INPP5A: variants seen among roughly 807,000 people sequenced by gnomAD.
INPP5A encodes the protein 43 kDa inositol polyphosphate 5-phophatase.
Under a neutral mutation model 65.2 loss-of-function variants are expected in INPP5A, and 14 were observed. The observed-to-expected ratio is 0.21, with a 90% CI of 0.14 to 0.34. INPP5A has a LOEUF of 0.34. Ranked by LOEUF, INPP5A falls within the 10% of genes least tolerant of loss-of-function variation. INPP5A has a pLI of 1.00. For synonymous variants in INPP5A, 207 were observed against 208.3 expected (o/e 0.99, Z 0.05); for missense variants, 431 against 545.6 (o/e 0.79, Z 2.09).
At chr10:132,771,081 A>G (rs540434254) in intron 12 of INPP5A, among the ~76,000 whole-genome samples, 1 of 152,342 alleles carries the variant, frequency 6.6e-6, no homozygotes, top group East Asian at 1.9e-4. Flanking sequence ...ACCGAGGTCT[A>G]AGTTACCACA....
At chr10:132,618,929 C>T (rs535201904) in intron 2 of INPP5A, among the ~76,000 whole-genome samples, 3 of 152,336 alleles carry the variant, frequency 2.0e-5, no homozygotes, top group South Asian at 2.1e-4. Flanking sequence ...AAACACCTCC[C>T]ACCAGGTTCC....
At position 132,587,019 on chromosome 10, in the gene INPP5A, C is replaced by G. The variant is rs896461669; in HGVS notation, c.76-20896C>G. On this transcript the variant is annotated intron_variant, in intron 1 of 15. Coordinates refer to ENST00000368594, the MANE Select transcript of INPP5A (RefSeq NM_005539.5). This position sits in a 1 kb window ranked among gnomAD's most constrained non-coding sequence, Gnocchi z 4.3. ...TCATTCCCCGTCCCCTGGGTGGCCC[C>G]TCCCCCGCCATCGTTACGCTGTCAT... Among the ~76,000 whole-genome samples the G allele has an allele frequency of 2.0e-5, 3 of 152,236 alleles. No homozygotes were observed. Among genetic ancestry groups the G allele is most frequent in the Non-Finnish European group, 4.4e-5 (3 of 68,046 alleles).
At position 132,765,973 on chromosome 10, in the gene INPP5A, G is replaced by A. The variant is rs1474456683; in HGVS notation, c.977+127G>A. 5.8e-6 allele frequency: 4 copies of A among 687,328 alleles called. No individual in the cohort carries two copies. In the Admixed American group the frequency reaches 6.3e-5, roughly 11 times the overall value. The allele number at this position is 687,328 out of a possible 1,614,324, so 42.6% of individuals were successfully genotyped here. ...CTGGGCATGAGTGTGTGCATTCTGT[G>A]TGCATCCAGAGTGTGTGTACCATAC... On this transcript the variant is annotated intron_variant, in intron 12 of 15. Transcript: ENST00000368594.
intron 4 of INPP5A, among the ~76,000 whole-genome samples, chr10:132,664,757 G>A (rs576152062): frequency 6.6e-6 from 1 of 152,324 alleles, no homozygotes; most frequent in Admixed American, 6.5e-5. Context: ...GAACTGCTAT[G>A]TGCTCTTTGA....
rs2071639253 is a variant in INPP5A, at chr10:132,593,109, A to T, written c.76-14806A>T. On this transcript the variant is annotated intron_variant, in intron 1 of 15. Transcript: ENST00000368594. The stretch of plus-strand genomic sequence containing the variant: ...CCTCAGACCTTTAGACTCACTCTGA[A>T]GTGGCTCTTCGATAAGATGAGACCC... Among the ~76,000 whole-genome samples, 5 of 152,324 alleles carry T rather than the reference A, an allele frequency of 3.3e-5. No homozygotes were observed. In the South Asian group the frequency reaches 1.0e-3, roughly 32 times the overall value.
At chr10:132,718,470 G>T (rs538617299) in intron 8 of INPP5A, among the ~76,000 whole-genome samples, 2 of 150,290 alleles carry the variant, frequency 1.3e-5, no homozygotes, top group African/African-American at 4.9e-5. Context: ...TCAGGGTTCT[G>T]TGGTGCCTGG....
chr10:132,691,383 C>G (rs1419644233), intron 5 of INPP5A, among the ~76,000 whole-genome samples: 1 of 152,158 alleles, frequency 6.6e-6, no homozygotes, highest in East Asian at 1.9e-4. Flanking sequence ...TGGCGCTCTC[C>G]GCTCCGTTTT....
At chr10:132,730,849 G>A (rs1846071864) in intron 9 of INPP5A, among the ~76,000 whole-genome samples, 1 of 152,168 alleles carries the variant, frequency 6.6e-6, no homozygotes, top group Non-Finnish European at 1.5e-5. Flanking sequence ...AAGCACCGAG[G>A]GCAGCCCAGG....
intron 12 of INPP5A, among the ~76,000 whole-genome samples, chr10:132,771,856 A>ACGG (rs1846961137): frequency 1.0e-5 from 1 of 100,034 alleles, no homozygotes; most frequent in East Asian, 3.2e-4. Flanking sequence ...CACGGAGGCC[A>ACGG]CAGCAGCCAC....
At chr10:132,652,500 A>G (rs542289984) in intron 4 of INPP5A, among the ~76,000 whole-genome samples, 29 of 152,350 alleles carry the variant, frequency 1.9e-4, no homozygotes, top group Non-Finnish European at 3.1e-4. Flanking sequence ...ATACCAACGC[A>G]GGCCAAGGTC....
At chr10:132,709,196 C>A (rs117522195) in intron 7 of INPP5A, among the ~76,000 whole-genome samples, 5,217 of 148,984 alleles carry the variant, frequency 0.035, 137 homozygotes, top group Non-Finnish European at 0.051. Context: ...CCCCTCGGGC[C>A]TCTCCCTGGG....
At chr10:132,608,821 G>A (rs1180624273) in intron 2 of INPP5A, among the ~76,000 whole-genome samples, 1 of 152,212 alleles carries the variant, frequency 6.6e-6, no homozygotes, top group East Asian at 1.9e-4. Flanking sequence ...GATTGGAGAT[G>A]GGCTGGGGAG....
At chr10:132,679,415 G>A (rs2073013622) in intron 4 of INPP5A, among the ~76,000 whole-genome samples, 1 of 152,148 alleles carries the variant, frequency 6.6e-6, no homozygotes, top group Admixed American at 6.5e-5. Context: ...CTGGCCTTTA[G>A]GAGGCTCCAT....
intron 8 of INPP5A, among the ~76,000 whole-genome samples, chr10:132,725,621 T>C (rs942379109): frequency 1.3e-5 from 2 of 152,214 alleles, no homozygotes; most frequent in African/African-American, 2.4e-5. Context: ...CTCATGCCCC[T>C]GTCACCAGCT....
chr10:132,763,295 G>C (rs185322086), intron 11 of INPP5A, among the ~76,000 whole-genome samples: 3 of 152,320 alleles, frequency 2.0e-5, no homozygotes, highest in African/African-American at 7.2e-5. Flanking sequence ...GCCAAGAACC[G>C]CATGGCACCT....
chr10:132,739,560 G>C (rs553890328), intron 9 of INPP5A, among the ~76,000 whole-genome samples: 92 of 152,368 alleles, frequency 6.0e-4, no homozygotes, highest in African/African-American at 2.2e-3. Context: ...GGGGGTGGTG[G>C]CTATAGTGCC....
At chr10:132,780,675 CCTCT>C (rs778761606) in intron 13 of INPP5A, among the ~76,000 whole-genome samples, 170 bp from the exon 14 acceptor site, 1 of 152,272 alleles carries the variant, frequency 6.6e-6, no homozygotes, top group Admixed American at 6.5e-5. Flanking sequence ...CATGAGCTGG[CCTCT>C]CTCTCAGGGG....
At chr10:132,685,060 A>T (rs932818) in intron 4 of INPP5A, among the ~76,000 whole-genome samples, 60,610 of 149,808 alleles carry the variant, frequency 0.4, 12,290 homozygotes, top group African/African-American at 0.46. Flanking sequence ...TTATTTTATT[A>T]AAAAAAAAAA....
intron 1 of INPP5A, among the ~76,000 whole-genome samples, chr10:132,604,529 T>C (rs1590861531): frequency 6.6e-6 from 1 of 152,292 alleles, no homozygotes; most frequent in East Asian, 1.9e-4. Flanking sequence ...GGGAAAGGGG[T>C]GTCTTAATCT....
Sources: allele counts gnomAD v4.1 joint callset (sites outside exome capture counted in the v4.1 genomes callset), GRCh38; gene constraint gnomAD v4.1.1; non-coding constraint Gnocchi (gnomAD v3.1); transcripts MANE v1.5; gene names NCBI Gene and HGNC (gene_info 2026-07-23, HGNC 2026-07-21).